The following CDH8 variants were observed in gnomAD, a reference collection of about 807,000 sequenced individuals.
CDH8 encodes cadherin-8.
A neutral mutation model predicts 68.1 loss-of-function variants in CDH8; 17 were observed. The ratio of observed to expected loss-of-function variants is 0.25; its 90% CI spans 0.17 to 0.37. CDH8 has a LOEUF of 0.37. Among genes scored for constraint, CDH8 ranks in the 10% least tolerant of loss-of-function variants. The pLI is 1.00. For synonymous variants in CDH8, 372 were observed against 365.1 expected (o/e 1.02, Z -0.21); for missense variants, 763 against 999.3 (o/e 0.76, Z 3.19).
intron 8 of CDH8, among the ~76,000 whole-genome samples, chr16:61,785,001 C>G (rs1160815360): frequency 6.0e-5 from 9 of 149,720 alleles, no homozygotes; most frequent in African/African-American, 1.5e-4. Context: ...ATCCAAAATT[C>G]ACACCCTAAC....
chr16:61,727,228 A>C lies in CDH8; in HGVS notation c.1415-13T>G. The C allele has an allele frequency of 6.3e-7, 1 of 1,596,774 alleles. No homozygotes were observed. The highest frequency in any genetic ancestry group is 8.6e-7 in the Non-Finnish European group (1 of 1,169,318). Reference sequence around the variant, plus strand: ...TGACTGTGGTTCCCTATGGGAAGGAAAAAATAACATCAGCATTGAGGGTAT... The same window carrying C: ...TGACTGTGGTTCCCTATGGGAAGGACAAAATAACATCAGCATTGAGGGTAT... On this transcript the variant is annotated splice_polypyrimidine_tract_variant and intron_variant, in intron 8 of 11. Coordinates refer to ENST00000577390, the MANE Select transcript of CDH8 (RefSeq NM_001796.5).
chr16:61,655,559 T>A lies in CDH8; in HGVS notation c.1817A>T (p.Gln606Leu), dbSNP rs1222586442. 1 of 1,614,142 alleles carries A rather than the reference T, an allele frequency of 6.2e-7. No homozygotes were observed. The highest frequency in any genetic ancestry group is 1.7e-5 in the Admixed American group (1 of 60,026). ...VCGCSNDGVV[Q>L]SCNVEAYVLP... ...GACATAAGCTTCGACATTGCAAGAC[T>A]GGACGACACCGTCATTGCTGCAGCC... Residue 606 changes from glutamine (Q) to leucine (L), a missense_variant, in exon 11 of 12, where the codon CAG (glutamine) becomes CTG (leucine). Gln to Leu is a moderately radical substitution (Grantham distance 113, BLOSUM62 -2). Coordinates refer to ENST00000577390, the MANE Select transcript of CDH8 (RefSeq NM_001796.5).
chr16:62,021,569 A>T lies in CDH8; in HGVS notation c.-166T>A, dbSNP rs762068236. 2.2e-5 allele frequency: 31 copies of T among 1,381,268 alleles called. No homozygotes were observed. The highest frequency in any genetic ancestry group is 2.9e-5 in the Non-Finnish European group (31 of 1,071,442). The allele number at this position is 1,381,268 out of a possible 1,614,324, so 85.6% of individuals were successfully genotyped here. On this transcript the variant is annotated 5_prime_UTR_variant, in exon 2 of 12. It introduces an in-frame stop codon into an upstream open reading frame of the 5' UTR. Transcript: ENST00000577390. Reference sequence around the variant, plus strand: ...TCATCTAAGCAGCTTTTCTAAGACCACAATCCATTGGCTTTTCTTTTCATT... The same window carrying T: ...TCATCTAAGCAGCTTTTCTAAGACCTCAATCCATTGGCTTTTCTTTTCATT...
intron 2 of CDH8, among the ~76,000 whole-genome samples, chr16:61,960,351 GTGTGTGTATACACATACATATATACA>G: frequency 9.9e-6 from 1 of 101,368 alleles, no homozygotes; most frequent in South Asian, 3.1e-4. Flanking sequence ...ATATACATGT[GTGTGTGTATACACATACATATATACA>G]TGTGTGTGTG....
chr16:61,657,585 A>G (rs1963471840), intron 10 of CDH8, among the ~76,000 whole-genome samples: 1 of 152,154 alleles, frequency 6.6e-6, no homozygotes, highest in Non-Finnish European at 1.5e-5. Context: ...CAAAACAGAT[A>G]TAGAATATAT....
chr16:61,680,628 T>G (rs1281795401), intron 10 of CDH8, among the ~76,000 whole-genome samples: 1 of 151,308 alleles, frequency 6.6e-6, no homozygotes, highest in East Asian at 1.9e-4. Flanking sequence ...TCCCCTTCGT[T>G]TTACACACAC....
intron 2 of CDH8, chr16:61,937,898 CTATTTA>C (rs1964652101): frequency 6.6e-6 from 1 of 152,036 alleles, no homozygotes; most frequent in Non-Finnish European, 1.5e-5. Flanking sequence ...TTCTTTATTT[CTATTTA>C]TATTTTTAGA....
At chr16:61,888,114 G>A (rs1963709454) in intron 3 of CDH8, among the ~76,000 whole-genome samples, 1 of 152,124 alleles carries the variant, frequency 6.6e-6, no homozygotes, top group African/African-American at 2.4e-5. Context: ...AGATCTGCAA[G>A]CTCACCATGT....
intron 8 of CDH8, among the ~76,000 whole-genome samples, chr16:61,751,099 T>C (rs1960146610): frequency 6.6e-6 from 1 of 152,008 alleles, no homozygotes; most frequent in Non-Finnish European, 1.5e-5. Flanking sequence ...TGTATATTAG[T>C]GTCCAACATA....
At chr16:61,878,824 T>A (rs1963512039) in intron 3 of CDH8, among the ~76,000 whole-genome samples, 1 of 152,176 alleles carries the variant, frequency 6.6e-6, no homozygotes, top group Non-Finnish European at 1.5e-5. Flanking sequence ...GAAGGAAATT[T>A]ACACAGTCGA....
intron 4 of CDH8, among the ~76,000 whole-genome samples, chr16:61,825,473 A>G (rs1962310424): frequency 6.6e-6 from 1 of 151,900 alleles, no homozygotes; most frequent in Admixed American, 6.6e-5. Context: ...CCAAATTATA[A>G]TGTATATCAT....
Position 62,004,635 on chromosome 16 carries a change from G to A in CDH8, c.252+16517C>T, listed in dbSNP as rs150023534. 7.3e-3 allele frequency among the ~76,000 whole-genome samples: 1,119 copies of A among 152,340 alleles called. 15 individuals carry two copies. The highest frequency in any genetic ancestry group is 0.026 in the African/African-American group (1,093 of 41,574). ...TAATTCTGTATAAATGTGTGTGTCTGTGGATATGTGAATTTGTATACCTCC... is the reference window on the plus strand; with the variant it reads ...TAATTCTGTATAAATGTGTGTGTCTATGGATATGTGAATTTGTATACCTCC... On this transcript the variant is annotated intron_variant, in intron 2 of 11. Coordinates refer to ENST00000577390, the MANE Select transcript of CDH8 (RefSeq NM_001796.5).
chr16:61,847,275 C>T (rs1351957225), intron 4 of CDH8, among the ~76,000 whole-genome samples: 1 of 151,934 alleles, frequency 6.6e-6, no homozygotes, highest in African/African-American at 2.4e-5. Flanking sequence ...GTCCATATGG[C>T]ACAAACTCTT....
At chr16:61,874,196 T>A (rs926098114) in intron 3 of CDH8, among the ~76,000 whole-genome samples, 3 of 152,134 alleles carry the variant, frequency 2.0e-5, no homozygotes, top group Non-Finnish European at 2.9e-5. Context: ...AAAATTTTTT[T>A]AAATAAAAAT....
chr16:62,024,215 G>A (rs1446557886), intron 1 of CDH8, among the ~76,000 whole-genome samples: 1 of 151,990 alleles, frequency 6.6e-6, no homozygotes, highest in Non-Finnish European at 1.5e-5. Context: ...TGGGGTTTGA[G>A]TTCTAATTCC....
intron 10 of CDH8, among the ~76,000 whole-genome samples, chr16:61,699,238 C>T (rs565604574): frequency 3.9e-5 from 6 of 152,266 alleles, no homozygotes; most frequent in South Asian, 4.1e-4. Context: ...CAAAACTCCA[C>T]GTTTTAGTCT....
intron 10 of CDH8, among the ~76,000 whole-genome samples, chr16:61,696,152 G>C (rs1015818928): frequency 1.3e-5 from 2 of 152,162 alleles, no homozygotes; most frequent in African/African-American, 4.8e-5. Context: ...GGAAGTGAAG[G>C]AATCCCTCTG....
rs374163647 is a variant in CDH8 at position 61,945,411 on chromosome 16, T to C, written c.253-43938A>G. 4.0e-5 allele frequency among the ~76,000 whole-genome samples: 6 copies of C among 150,562 alleles called. 1 individual carries two copies. The South Asian group carries it at 8.4e-4, about 21-fold the overall frequency. On this transcript the variant is annotated intron_variant, in intron 2 of 11. Coordinates refer to ENST00000577390, the MANE Select transcript of CDH8 (RefSeq NM_001796.5). Reference sequence around the variant, plus strand: ...TCAATCAGTCCTGCCAAAAGGCCAATTTCGTTTTGTGCCTAGATGCATGAT... The same window carrying C: ...TCAATCAGTCCTGCCAAAAGGCCAACTTCGTTTTGTGCCTAGATGCATGAT...
chr16:61,928,851 G>A (rs1964495091), intron 2 of CDH8, among the ~76,000 whole-genome samples: 2 of 152,196 alleles, frequency 1.3e-5, no homozygotes, highest in African/African-American at 4.8e-5. Context: ...AAAAGCAGAA[G>A]TGTCTGTCAA....
Sources: allele counts gnomAD v4.1 joint callset (sites outside exome capture counted in the v4.1 genomes callset), GRCh38; gene constraint gnomAD v4.1.1; transcripts MANE v1.5; gene names NCBI Gene and HGNC (gene_info 2026-07-23, HGNC 2026-07-21).